The following DPH6 variants were observed in gnomAD, a reference collection of about 807,000 sequenced individuals.
The protein encoded by DPH6 is diphthamine biosynthesis 6.
Under a neutral mutation model 38.2 loss-of-function variants are expected in DPH6, and 33 were observed. That is an observed-to-expected ratio of 0.86 (90% CI 0.65 to 1.15). The LOEUF (loss-of-function observed/expected upper bound fraction) is 1.15, where lower values mean the gene tolerates loss of function less well. Among genes scored for constraint, DPH6 ranks in the 50% most tolerant of loss-of-function variants. DPH6 has a pLI of 0.00. For missense variants in DPH6, 325 were observed against 320.0 expected (o/e 1.02, Z -0.12); for synonymous variants, 108 against 103.0 (o/e 1.05, Z -0.30).
chr15:35,450,662 CCCTT>C lies in DPH6; in HGVS notation c.505+19_505+22del. On this transcript the variant is annotated intron_variant, in intron 5 of 8. Coordinates refer to ENST00000256538, the MANE Select transcript of DPH6 (RefSeq NM_080650.4). ...ATCATCTATGTGGCAACAAACAGCT[CCCTT>C]GATAGTTTGGCTGCATACCCAAAGC... The C allele has an allele frequency of 3.2e-6, 5 of 1,582,604 alleles. No individual in the cohort carries two copies. The highest frequency in any genetic ancestry group is 4.3e-6 in the Non-Finnish European group (5 of 1,152,500).
chr15:35,249,853 C>A (rs2051659499), intron 3 of DPH6, among the ~76,000 whole-genome samples: 1 of 152,066 alleles, frequency 6.6e-6, no homozygotes, highest in Non-Finnish European at 1.5e-5. Context: ...GAACAGTTAA[C>A]CAACTTCTGA....
At chr15:35,489,723 A>AT (rs2054451422) in intron 3 of DPH6, 2 of 979,270 alleles carry the variant, frequency 2.0e-6, no homozygotes, top group Non-Finnish European at 2.4e-6. Context: ...ATATTAAACC[A>AT]TTTTTTCTGG....
At position 35,436,509 on chromosome 15, in the gene DPH6, C is replaced by CAAAAAAAA. The variant is rs1491101707; in HGVS notation, c.505+14175_505+14176insTTTTTTTT. Among the ~76,000 whole-genome samples, 21 of 107,566 alleles carry CAAAAAAAA rather than the reference C, an allele frequency of 2.0e-4. 5 individuals carry two copies. The highest frequency in any genetic ancestry group is 4.3e-3 in the Middle Eastern group (1 of 230). 70.6% of individuals were successfully genotyped at this position (107,566 alleles called of 152,430 possible). On this transcript the variant is annotated intron_variant, in intron 5 of 8. Coordinates refer to ENST00000256538, the MANE Select transcript of DPH6 (RefSeq NM_080650.4). ...CAAAACAAAACAAAACAAAACAAAA[C>CAAAAAAAA]AAAACAAAAAAGGTTCTCTCCCTGT...
chr15:35,179,753 G>A, the DPH6 span, among the ~76,000 whole-genome samples: 1 of 152,158 alleles, frequency 6.6e-6, no homozygotes, highest in South Asian at 2.1e-4. Context: ...GGTGATACTT[G>A]TGAGAATGAG....
In DPH6 at chr15:35,482,823, C is replaced by T. The variant is rs577638453; in HGVS notation, c.313-28003G>A. Among the ~76,000 whole-genome samples, 106 of 151,956 alleles carry T rather than the reference C, an allele frequency of 7.0e-4. 1 individual carries two copies. The South Asian group carries it at 0.02, about 29-fold the overall frequency. ...AAGCACGAACCATAAAAGAAAAAAACGGACAAATTAGACTTCATCAAAATT... is the reference window on the plus strand; with the variant it reads ...AAGCACGAACCATAAAAGAAAAAAATGGACAAATTAGACTTCATCAAAATT... On this transcript the variant is annotated intron_variant, in intron 3 of 8. Coordinates refer to ENST00000256538, the MANE Select transcript of DPH6 (RefSeq NM_080650.4).
At chr15:35,257,492 T>C (rs1474422520) in intron 3 of DPH6, among the ~76,000 whole-genome samples, 1 of 152,178 alleles carries the variant, frequency 6.6e-6, no homozygotes, top group Non-Finnish European at 1.5e-5. Context: ...TAAAAAATAA[T>C]AATATGTTGT....
chr15:35,417,169 C>G (rs2053446735), intron 5 of DPH6, among the ~76,000 whole-genome samples: 2 of 152,008 alleles, frequency 1.3e-5, no homozygotes, highest in South Asian at 4.1e-4. Flanking sequence ...TCCTCATTTA[C>G]TAACATCTAA....
intron 3 of DPH6, among the ~76,000 whole-genome samples, chr15:35,472,714 C>T (rs1354976614): frequency 3.3e-5 from 5 of 151,968 alleles, no homozygotes; most frequent in Admixed American, 2.0e-4. Flanking sequence ...GGTAAAATGT[C>T]TAAAAATCAG....
At chr15:35,379,644 A>C (rs1478699026) in intron 7 of DPH6, among the ~76,000 whole-genome samples, 1 of 152,200 alleles carries the variant, frequency 6.6e-6, no homozygotes, top group East Asian at 1.9e-4. Flanking sequence ...AGGACATTTC[A>C]ATTTTAAAGA....
intron 3 of DPH6, among the ~76,000 whole-genome samples, chr15:35,226,858 C>T (rs1173782199): frequency 6.6e-6 from 1 of 152,082 alleles, no homozygotes; most frequent in Non-Finnish European, 1.5e-5. Context: ...TGGAAGTATT[C>T]CCTCCTCATC....
downstream of DPH6, among the ~76,000 whole-genome samples, chr15:35,328,779 CT>C (rs1320221603): frequency 1.3e-5 from 2 of 152,142 alleles, no homozygotes; most frequent in African/African-American, 4.8e-5. Context: ...TCCATTCATG[CT>C]GCTGATAAGT....
intron 6 of DPH6, among the ~76,000 whole-genome samples, chr15:35,404,331 T>A (rs1321857287): frequency 1.3e-5 from 2 of 152,166 alleles, no homozygotes; most frequent in African/African-American, 4.8e-5. Flanking sequence ...TTGTACTAAT[T>A]TACATTCCCA....
At chr15:35,216,345 A>C (rs1330750886), downstream of DPH6, among the ~76,000 whole-genome samples, 2 of 152,220 alleles carry the variant, frequency 1.3e-5, no homozygotes, top group African/African-American at 4.8e-5. Context: ...GATAGTATAT[A>C]GATTTGTTTT....
intron 3 of DPH6, among the ~76,000 whole-genome samples, chr15:35,537,646 C>G (rs2055190095): frequency 6.6e-6 from 1 of 152,064 alleles, no homozygotes; most frequent in African/African-American, 2.4e-5. Context: ...AAATTCATAC[C>G]TGTTCCAACA....
intron 3 of DPH6, among the ~76,000 whole-genome samples, chr15:35,533,101 C>T (rs537168234): frequency 2.0e-5 from 2 of 101,202 alleles, no homozygotes; most frequent in South Asian, 5.3e-4. Context: ...GAGCGACACT[C>T]AGTCTCGAAA....
intron 3 of DPH6, among the ~76,000 whole-genome samples, chr15:35,514,296 T>C (rs1388504308): frequency 1.3e-5 from 2 of 152,100 alleles, no homozygotes; most frequent in Middle Eastern, 3.2e-3. Context: ...CAAAATAGCA[T>C]AAAGGAGCCA....
chr15:35,307,319 C>T (rs2052100002), intron 3 of DPH6, among the ~76,000 whole-genome samples: 1 of 152,004 alleles, frequency 6.6e-6, no homozygotes, highest in Admixed American at 6.6e-5. Flanking sequence ...CACAAAGAAA[C>T]ATCATGTAAA....
chr15:35,416,292 G>GA (rs780548944), intron 5 of DPH6, among the ~76,000 whole-genome samples: 13 of 152,132 alleles, frequency 8.5e-5, no homozygotes, highest in South Asian at 2.1e-4. Flanking sequence ...TCACATACAT[G>GA]AAAGATGGTT....
chr15:35,197,136 T>C, the DPH6 span, among the ~76,000 whole-genome samples: 3 of 152,188 alleles, frequency 2.0e-5, no homozygotes, highest in African/African-American at 7.2e-5. Context: ...TTGTAATCTT[T>C]AATGTAATAA....
Sources: gnomAD v4.1 joint callset for allele counts (sites outside exome capture counted in the v4.1 genomes callset) on GRCh38, gnomAD v4.1.1 for gene constraint, MANE v1.5 for transcripts, NCBI Gene and HGNC (gene_info 2026-07-23, HGNC 2026-07-21) for gene names.